Variants in SIK3 observed in about 807,000 individuals in gnomAD.
SIK3 encodes SIK family kinase 3.
A neutral mutation model predicts 144.2 loss-of-function variants in SIK3; 28 were observed. The ratio of observed to expected loss-of-function variants is 0.19; its 90% CI spans 0.14 to 0.27. The LOEUF is 0.27. Ranked by LOEUF, SIK3 falls within the 10% of genes least tolerant of loss-of-function variation. SIK3 has a pLI of 1.00. For missense variants in SIK3, 1,319 were observed against 1,776.0 expected (o/e 0.74, Z 4.62); for synonymous variants, 686 against 676.3 (o/e 1.01, Z -0.22).
In SIK3 at chr11:117,030,256, A is replaced by G. The variant is rs571542442; in HGVS notation, c.273+67887T>C. Among the ~76,000 whole-genome samples, 8 of 152,334 alleles carry G rather than the reference A, an allele frequency of 5.3e-5. No homozygotes were observed. In the South Asian group the frequency reaches 1.7e-3, roughly 32 times the overall value. On this transcript the variant is annotated intron_variant, in intron 1 of 24. Coordinates refer to ENST00000445177, the MANE Select transcript of SIK3 (RefSeq NM_001366686.3). ...TCGTGACACAGTAATTCTACCTCTA[A>G]GAATGTATTGTAAGGAAGGAATCAG... is the stretch of plus-strand genomic sequence containing the variant.
chr11:116,963,378 T>C (rs1418097882), intron 1 of SIK3, among the ~76,000 whole-genome samples: 1 of 152,188 alleles, frequency 6.6e-6, no homozygotes, highest in Non-Finnish European at 1.5e-5. Flanking sequence ...GAGTAATATC[T>C]TTCAATATTT....
intron 1 of SIK3, among the ~76,000 whole-genome samples, chr11:116,961,136 G>A (rs1949335808): frequency 6.6e-6 from 1 of 152,190 alleles, no homozygotes; most frequent in Non-Finnish European, 1.5e-5. Flanking sequence ...CCGACCCTGA[G>A]GGCTGTGGCA....
intron 4 of SIK3, among the ~76,000 whole-genome samples, chr11:116,905,566 C>G (rs537607552): frequency 3.9e-5 from 6 of 152,314 alleles, no homozygotes; most frequent in Non-Finnish European, 7.3e-5. Context: ...TACATCCCTA[C>G]CAGCAACGTA....
intron 4 of SIK3, among the ~76,000 whole-genome samples, chr11:116,908,112 C>T (rs1946145007): frequency 1.3e-5 from 2 of 151,838 alleles, no homozygotes; most frequent in African/African-American, 2.4e-5. Flanking sequence ...AGAATTATGC[C>T]AAAATTTATA....
intron 22 of SIK3, among the ~76,000 whole-genome samples, chr11:116,847,838 C>G (rs149318234): frequency 0.025 from 3,830 of 152,296 alleles, 87 homozygotes; most frequent in South Asian, 0.11. Context: ...TGTGGCAAAT[C>G]TCAGCTGGTG....
At chr11:117,097,264 G>A (rs567879688) in intron 1 of SIK3, among the ~76,000 whole-genome samples, 41 of 152,172 alleles carry the variant, frequency 2.7e-4, no homozygotes, top group African/African-American at 9.6e-4. Flanking sequence ...TAATCTCCCG[G>A]TGTCTGGGTT....
At chr11:117,013,994 T>G (rs1319403279) in intron 1 of SIK3, among the ~76,000 whole-genome samples, 1 of 127,806 alleles carries the variant, frequency 7.8e-6, no homozygotes, top group African/African-American at 2.9e-5. Flanking sequence ...TTTTTTTTTT[T>G]GAGACAGGAT....
At chr11:116,949,899 T>C (rs756875435) in intron 3 of SIK3, among the ~76,000 whole-genome samples, 3 of 152,110 alleles carry the variant, frequency 2.0e-5, no homozygotes, top group Non-Finnish European at 4.4e-5. Flanking sequence ...GGTTTGTTTT[T>C]CTCCACAGGT....
At chr11:116,973,023 C>T (rs1949818345) in intron 1 of SIK3, among the ~76,000 whole-genome samples, 1 of 152,138 alleles carries the variant, frequency 6.6e-6, no homozygotes, top group Non-Finnish European at 1.5e-5. Context: ...AGCTGGGATC[C>T]TCACTCATAA....
At chr11:116,862,777 C>T (rs1023941280) in intron 16 of SIK3, among the ~76,000 whole-genome samples, 1 of 152,174 alleles carries the variant, frequency 6.6e-6, no homozygotes, top group Non-Finnish European at 1.5e-5. Context: ...CATCCTAAAT[C>T]ATGCGCAGAG....
chr11:116,904,292 G>A (rs994205379), intron 4 of SIK3, among the ~76,000 whole-genome samples: 3 of 152,172 alleles, frequency 2.0e-5, no homozygotes, highest in Non-Finnish European at 4.4e-5. Flanking sequence ...AGAACACTTA[G>A]AATTAACTCG....
At chr11:116,992,176 T>A (rs1040721012) in intron 1 of SIK3, among the ~76,000 whole-genome samples, 2 of 151,684 alleles carry the variant, frequency 1.3e-5, no homozygotes, top group Non-Finnish European at 2.9e-5. Flanking sequence ...ATACAAAAAA[T>A]TAGCCAGGCG....
intron 15 of SIK3, among the ~76,000 whole-genome samples, chr11:116,866,642 A>C (rs1044749929): frequency 6.6e-6 from 1 of 152,034 alleles, no homozygotes; most frequent in African/African-American, 2.4e-5. Flanking sequence ...GGGTTTCACC[A>C]TATTGGCCAG....
At chr11:116,922,022 G>T (rs1478349239) in intron 4 of SIK3, among the ~76,000 whole-genome samples, 1 of 151,928 alleles carries the variant, frequency 6.6e-6, no homozygotes, top group African/African-American at 2.4e-5. Context: ...ATCTCAACTA[G>T]CTGGGACTAC....
intron 8 of SIK3, 68 bp downstream of exon 8, chr11:116,876,185 G>A (rs770079288): frequency 8.8e-5 from 134 of 1,526,296 alleles, no homozygotes; most frequent in East Asian, 1.1e-4. Flanking sequence ...CCGAGAAGGC[G>A]AAAAATGGAA....
intron 1 of SIK3, among the ~76,000 whole-genome samples, chr11:116,981,829 A>G (rs1398930294): frequency 6.6e-6 from 1 of 152,226 alleles, no homozygotes; most frequent in African/African-American, 2.4e-5. Flanking sequence ...CCTGGGCAAC[A>G]TAGCAAGACC....
intron 1 of SIK3, among the ~76,000 whole-genome samples, chr11:117,021,245 T>C (rs1358381376): frequency 6.6e-6 from 1 of 152,222 alleles, no homozygotes; most frequent in Non-Finnish European, 1.5e-5. Flanking sequence ...GAAAGTCTAC[T>C]GCATCGTAGT....
intron 1 of SIK3, among the ~76,000 whole-genome samples, chr11:116,969,451 G>C (rs769054657): frequency 6.6e-6 from 1 of 152,072 alleles, no homozygotes; most frequent in Non-Finnish European, 1.5e-5. Flanking sequence ...AATGTTAATT[G>C]ATAATAATGT....
rs763857058 is a variant in SIK3 at position 117,098,272 on chromosome 11, C to G, written c.144G>C (p.Pro48=). 3 of 1,363,444 alleles carry G rather than the reference C, an allele frequency of 2.2e-6. No individual in the cohort carries two copies. Among genetic ancestry groups the G allele is most frequent in the South Asian group, 3.0e-5 (2 of 66,780 alleles). The allele number at this position is 1,363,444 out of a possible 1,614,324, so 84.5% of individuals were successfully genotyped here. The change falls in exon 1 of 25, where the codon CCG becomes CCC. Residue 48 remains proline (P), a synonymous_variant. Transcript: ENST00000445177. ...PAAVSPAAGQ[P]RPPAPASRGP... ...CGCGGGAGGCCGGGGCTGGGGGACG[C>G]GGCTGGCCGGCCGCAGGGGACACGG...
Sources: gnomAD v4.1 joint callset for allele counts (sites outside exome capture counted in the v4.1 genomes callset) on GRCh38, gnomAD v4.1.1 for gene constraint, MANE v1.5 for transcripts, NCBI Gene and HGNC (gene_info 2026-07-23, HGNC 2026-07-21) for gene names.